The following DIP2C variants were observed in gnomAD, a reference collection of about 807,000 sequenced individuals.
DIP2C encodes disco-interacting protein 2 homolog C.
A neutral mutation model predicts 192.4 loss-of-function variants in DIP2C; 33 were observed. The ratio of observed to expected loss-of-function variants is 0.17; its 90% CI spans 0.13 to 0.23. The LOEUF is 0.23. Ranked by LOEUF, DIP2C falls within the 10% of genes least tolerant of loss-of-function variation. DIP2C has a pLI of 1.00. For missense variants in DIP2C, 1,537 were observed against 2,110.1 expected (o/e 0.73, Z 5.32); for synonymous variants, 979 against 864.1 (o/e 1.13, Z -2.33).
At chr10:370,066 A>G in intron 17 of DIP2C, 1 of 984,466 alleles carries the variant, frequency 1.0e-6, no homozygotes, top group Non-Finnish European at 1.2e-6. Flanking sequence ...AGACAAAACC[A>G]CTGAACAGCA....
intron 32 of DIP2C, among the ~76,000 whole-genome samples, chr10:308,213 C>G (rs185613667): frequency 2.7e-5 from 4 of 149,554 alleles, no homozygotes; most frequent in Non-Finnish European, 5.9e-5. Context: ...GTCTGGCATC[C>G]GAGGAGCTCC....
chr10:569,221 GC>G (rs1315755144), intron 1 of DIP2C, among the ~76,000 whole-genome samples: 3 of 152,188 alleles, frequency 2.0e-5, no homozygotes, highest in Non-Finnish European at 4.4e-5. Context: ...TGCCTACCCT[GC>G]CCTTTACAGA....
At chr10:362,920 G>GATCTT (rs1959709057) in intron 21 of DIP2C, among the ~76,000 whole-genome samples, 1 of 152,072 alleles carries the variant, frequency 6.6e-6, no homozygotes, top group Non-Finnish European at 1.5e-5. Flanking sequence ...AAGGAACTTT[G>GATCTT]GAGAAAAGAT....
intron 3 of DIP2C, among the ~76,000 whole-genome samples, chr10:453,756 T>C (rs1969051745): frequency 6.6e-6 from 1 of 152,182 alleles, no homozygotes; most frequent in Admixed American, 6.5e-5. Context: ...CTCAGGGCTG[T>C]CAGGGCAAAC....
At chr10:386,210 C>T (rs1291598488) in intron 14 of DIP2C, among the ~76,000 whole-genome samples, 2 of 152,220 alleles carry the variant, frequency 1.3e-5, no homozygotes, top group African/African-American at 2.4e-5. Flanking sequence ...ATCATTGAAT[C>T]ACATGCGTCA....
intron 17 of DIP2C, among the ~76,000 whole-genome samples, chr10:371,758 G>C (rs1960991409): frequency 6.9e-6 from 1 of 144,666 alleles, no homozygotes; most frequent in African/African-American, 2.6e-5. Context: ...GCCTGGGGTG[G>C]GCCCCCTCAG....
At chr10:311,501 G>T in intron 31 of DIP2C, 1 of 1,232,396 alleles carries the variant, frequency 8.1e-7, no homozygotes, top group Middle Eastern at 3.1e-4. Context: ...GGCTGGGCAG[G>T]GAGGCACGGG....
At chr10:561,534 A>G (rs991921228) in intron 1 of DIP2C, among the ~76,000 whole-genome samples, 1 of 152,186 alleles carries the variant, frequency 6.6e-6, no homozygotes, top group Non-Finnish European at 1.5e-5. Context: ...CTTCTCCCCA[A>G]GTTTACTCCT....
chr10:576,682 G>T (rs931259621), intron 1 of DIP2C, among the ~76,000 whole-genome samples: 1 of 152,160 alleles, frequency 6.6e-6, no homozygotes, highest in Admixed American at 6.6e-5. Context: ...GGTGAGGTGG[G>T]TGATCACTTG....
chr10:297,868 CAT>C (rs1202833945), intron 32 of DIP2C, among the ~76,000 whole-genome samples: 3 of 152,190 alleles, frequency 2.0e-5, no homozygotes, highest in Non-Finnish European at 4.4e-5. Flanking sequence ...CTGCTAACTA[CAT>C]GTTATATGTA....
intron 1 of DIP2C, among the ~76,000 whole-genome samples, chr10:508,475 G>A (rs1313271787): frequency 1.3e-5 from 2 of 152,124 alleles, no homozygotes; most frequent in Admixed American, 6.6e-5. Flanking sequence ...TACCGCATCC[G>A]GCCCAGCATA....
At chr10:366,165 G>C in intron 19 of DIP2C, 110 bp downstream of exon 19, 1 of 1,456,880 alleles carries the variant, frequency 6.9e-7, no homozygotes, top group African/African-American at 1.4e-5. Context: ...ATATAAACAC[G>C]TCTTGCTAAA....
At chr10:587,859 G>A (rs1176449318) in intron 1 of DIP2C, among the ~76,000 whole-genome samples, 11 of 52,604 alleles carry the variant, frequency 2.1e-4, no homozygotes, top group African/African-American at 7.2e-4. Context: ...CTGACCCTGC[G>A]GAAACCCCAC....
At position 441,009 on chromosome 10, in the gene DIP2C, G is replaced by A; in HGVS notation, c.269-13C>T. ...TCCGTGTGGACGTCTGAAACGGAGA[G>A]AGCTCAGTCACTCAGTGCTCAGCTG... is the stretch of plus-strand genomic sequence containing the variant. On this transcript the variant is annotated splice_polypyrimidine_tract_variant and intron_variant, in intron 3 of 36. Transcript: ENST00000280886. 9 of 1,609,468 alleles carry A rather than the reference G, an allele frequency of 5.6e-6. No homozygotes were observed. The highest frequency in any genetic ancestry group is 6.8e-6 in the Non-Finnish European group (8 of 1,178,828).
At chr10:589,833 A>C (rs1279603417) in intron 1 of DIP2C, among the ~76,000 whole-genome samples, 1 of 152,224 alleles carries the variant, frequency 6.6e-6, no homozygotes, top group Admixed American at 6.5e-5. Flanking sequence ...ACAAGGGGGA[A>C]GGCAATTCAT....
chr10:652,419 C>A lies in DIP2C; in HGVS notation c.85+37075G>T. ...CGCACTGTGCACCCTCCCAGCTCTC[C>A]TCCACCCCTTCCCTCAGGCTGGCCC... On this transcript the variant is annotated intron_variant, in intron 1 of 36. Transcript: ENST00000280886. This position sits in a 1 kb window ranked among gnomAD's most constrained non-coding sequence, Gnocchi z 4.5. 6.3e-6 allele frequency: 1 copy of A among 157,834 alleles called. No homozygotes were observed. Among genetic ancestry groups the A allele is most frequent in the South Asian group, 1.6e-4 (1 of 6,266 alleles). The allele number at this position is 157,834 out of a possible 1,614,324, so 9.8% of individuals were successfully genotyped here.
At position 276,078 on chromosome 10, in the gene DIP2C, A is replaced by C. The variant is rs908877797; in HGVS notation, c.*1247T>G. ...AATCGCATTCCTTTTCGTAGCAAGGACCAAAAAAAGATGACATTAACAAAA... is the reference window on the plus strand; with the variant it reads ...AATCGCATTCCTTTTCGTAGCAAGGCCCAAAAAAAGATGACATTAACAAAA... On this transcript the variant is annotated 3_prime_UTR_variant, in exon 37 of 37. Coordinates refer to ENST00000280886, the MANE Select transcript of DIP2C (RefSeq NM_014974.3). 6.6e-6 allele frequency: 1 copy of C among 152,522 alleles called. No homozygotes were observed. The highest frequency in any genetic ancestry group is 2.4e-5 in the African/African-American group (1 of 41,450). The allele number at this position is 152,522 out of a possible 1,614,324, so 9.4% of individuals were successfully genotyped here.
chr10:552,048 G>A (rs1215310344), intron 1 of DIP2C, among the ~76,000 whole-genome samples: 2 of 152,244 alleles, frequency 1.3e-5, no homozygotes, highest in Non-Finnish European at 2.9e-5. Flanking sequence ...AGCTTCGGAA[G>A]ACGTTGCACT....
intron 1 of DIP2C, chr10:661,891 C>G: frequency 1.6e-6 from 1 of 614,694 alleles, no homozygotes; most frequent in Non-Finnish European, 2.9e-6. Flanking sequence ...CAAAGCACAA[C>G]GCCGACCTCA....
Sources: gnomAD v4.1 joint callset for allele counts (sites outside exome capture counted in the v4.1 genomes callset) on GRCh38, gnomAD v4.1.1 for gene constraint, Gnocchi (gnomAD v3.1) non-coding constraint, MANE v1.5 for transcripts, NCBI Gene and HGNC (gene_info 2026-07-23, HGNC 2026-07-21) for gene names.